DPY19L1: variants seen among roughly 807,000 people sequenced by gnomAD.
DPY19L1 encodes the protein protein C-mannosyl-transferase DPY19L1.
DPY19L1 carries 35 observed loss-of-function variants against 96.9 expected under a neutral mutation model. The ratio of observed to expected loss-of-function variants is 0.36; its 90% CI spans 0.28 to 0.48. DPY19L1 has a LOEUF of 0.48. DPY19L1 is among the 20% of genes least tolerant of loss of function. The probability of loss-of-function intolerance (pLI) is 0.99; values close to 1 mark genes in which losing one functional copy is unlikely to be tolerated. For synonymous variants in DPY19L1, 205 were observed against 252.6 expected (o/e 0.81, Z 1.79); for missense variants, 521 against 777.9 (o/e 0.67, Z 3.93).
chr7:34,942,952 A>G (rs1007877723), intron 16 of DPY19L1, among the ~76,000 whole-genome samples: 1 of 152,212 alleles, frequency 6.6e-6, no homozygotes, highest in Non-Finnish European at 1.5e-5. Context: ...GAATGAAAAA[A>G]ACCTTTGAGA....
intron 16 of DPY19L1, among the ~76,000 whole-genome samples, chr7:34,944,570 A>C (rs1278820696): frequency 6.6e-6 from 1 of 152,050 alleles, no homozygotes; most frequent in African/African-American, 2.4e-5. Flanking sequence ...AAATCTCTAA[A>C]TTTTAAAGAG....
chr7:34,949,239 C>T (rs536737259), intron 14 of DPY19L1, among the ~76,000 whole-genome samples: 23 of 152,210 alleles, frequency 1.5e-4, no homozygotes, highest in African/African-American at 5.3e-4. Context: ...TTTGTCTTCA[C>T]AATATCTGTT....
chr7:34,942,465 C>A, intron 17 of DPY19L1, 150 bp downstream of exon 17: 1 of 681,054 alleles, frequency 1.5e-6, no homozygotes, highest in Non-Finnish European at 2.6e-6. Flanking sequence ...AGTGAATCTG[C>A]ATATAGCATT....
Position 34,931,532 on chromosome 7 carries a change from T to C in DPY19L1, c.*41A>G, listed in dbSNP as rs1371619749. 1 of 1,491,174 alleles carries C rather than the reference T, an allele frequency of 6.7e-7. No individual in the cohort carries two copies. The highest frequency in any genetic ancestry group is 8.9e-7 in the Non-Finnish European group (1 of 1,121,352). The allele number at this position is 1,491,174 out of a possible 1,614,324, so 92.4% of individuals were successfully genotyped here. On this transcript the variant is annotated 3_prime_UTR_variant, in exon 22 of 22. Coordinates refer to ENST00000638088, the MANE Select transcript of DPY19L1 (RefSeq NM_001366673.1). ...ATGACTTAGCAAAACATTAAAACCA[T>C]TACAGATGTAGTTCTCCGTAGGCAG...
chr7:35,025,912 G>A (rs1049559135), intron 1 of DPY19L1, among the ~76,000 whole-genome samples: 1 of 152,192 alleles, frequency 6.6e-6, no homozygotes, highest in African/African-American at 2.4e-5. Context: ...GAGAAGCACT[G>A]ACATTGGTCA....
rs534492590 is a variant in DPY19L1, at chr7:34,932,151, C to T, written c.2091-422G>A. The stretch of plus-strand genomic sequence containing the variant: ...GACCAGGTATCTAGCACCATTCACA[C>T]AGAAAAACGTATGACATTGATTTAA... On this transcript the variant is annotated intron_variant, in intron 21 of 21. Coordinates refer to ENST00000638088, the MANE Select transcript of DPY19L1 (RefSeq NM_001366673.1). 2.7e-3 allele frequency among the ~76,000 whole-genome samples: 416 copies of T among 152,274 alleles called. 1 individual carries two copies. Among genetic ancestry groups the T allele is most frequent in the Non-Finnish European group, 4.5e-3 (304 of 68,006 alleles).
chr7:35,025,285 C>T (rs1040863983), intron 1 of DPY19L1, among the ~76,000 whole-genome samples: 6 of 152,144 alleles, frequency 3.9e-5, no homozygotes, highest in African/African-American at 1.4e-4. Flanking sequence ...AGATGCACAA[C>T]ACGTTTTCCT....
chr7:34,997,312 G>C (rs1024170879), intron 6 of DPY19L1, among the ~76,000 whole-genome samples: 3 of 150,304 alleles, frequency 2.0e-5, no homozygotes, highest in Non-Finnish European at 4.4e-5. Flanking sequence ...AAAAAAAAAG[G>C]CCAGGCACAG....
intron 6 of DPY19L1, among the ~76,000 whole-genome samples, chr7:35,009,631 C>T (rs772244282): frequency 2.2e-4 from 33 of 152,062 alleles, no homozygotes; most frequent in Non-Finnish European, 4.1e-4. Flanking sequence ...TTTATGTAAA[C>T]AATATATACT....
At chr7:35,033,511 T>C (rs1316718668) in intron 1 of DPY19L1, among the ~76,000 whole-genome samples, 2 of 152,216 alleles carry the variant, frequency 1.3e-5, no homozygotes, top group African/African-American at 2.4e-5. Flanking sequence ...CTATTTTACA[T>C]GTATTATCTC....
intron 1 of DPY19L1, 151 bp from the exon 2 acceptor site, chr7:35,018,747 T>C (rs1785920467): frequency 1.5e-6 from 1 of 658,450 alleles, no homozygotes; most frequent in African/African-American, 1.8e-5. Context: ...CGTTTAAAAT[T>C]GTGATTGACT....
chr7:35,000,708 T>C (rs1003280176), intron 6 of DPY19L1: 8 of 152,206 alleles, frequency 5.3e-5, no homozygotes, highest in Admixed American at 1.3e-4. Flanking sequence ...CCTTCGGAAA[T>C]GAATTATTAC....
At chr7:34,969,360 G>C (rs1406683647) in intron 9 of DPY19L1, 73 bp downstream of exon 9, 11 of 791,224 alleles carry the variant, frequency 1.4e-5, no homozygotes, top group Non-Finnish European at 1.8e-5. Flanking sequence ...TATCTCAGTT[G>C]TAATTTTATG....
At position 34,936,300 on chromosome 7, in the gene DPY19L1, G is replaced by A. The variant is rs571142515; in HGVS notation, c.2090+1694C>T. On this transcript the variant is annotated intron_variant, in intron 21 of 21. Coordinates refer to ENST00000638088, the MANE Select transcript of DPY19L1 (RefSeq NM_001366673.1). The stretch of plus-strand genomic sequence containing the variant: ...AGACTGTTAGAGCTATGCAAATCCA[G>A]GGAGCTCTCCCAACACTCTACAGCA... Among the ~76,000 whole-genome samples, 13 of 151,514 alleles carry A rather than the reference G, an allele frequency of 8.6e-5. No individual in the cohort carries two copies. In the East Asian group the frequency reaches 2.5e-3, roughly 29 times the overall value.
intron 1 of DPY19L1, among the ~76,000 whole-genome samples, chr7:35,023,833 CT>C (rs755619806): frequency 2.4e-3 from 263 of 111,810 alleles, no homozygotes; most frequent in African/African-American, 2.8e-3. Flanking sequence ...CTTTTCTTTT[CT>C]TTTTTTTTTT....
At chr7:34,956,507 G>T (rs1243043389) in intron 11 of DPY19L1, among the ~76,000 whole-genome samples, 1 of 149,812 alleles carries the variant, frequency 6.7e-6, no homozygotes, top group East Asian at 1.9e-4. Context: ...TGAGAAATGG[G>T]TATTTTTTTT....
At chr7:34,946,113 A>T (rs1488028619) in intron 15 of DPY19L1, among the ~76,000 whole-genome samples, 2 of 152,216 alleles carry the variant, frequency 1.3e-5, no homozygotes, top group Admixed American at 6.5e-5. Context: ...AGAAAACTGG[A>T]GAGCTGGCTC....
intron 4 of DPY19L1, among the ~76,000 whole-genome samples, chr7:35,013,001 C>A (rs376992204): frequency 1.3e-5 from 2 of 152,256 alleles, no homozygotes; most frequent in South Asian, 2.1e-4. Flanking sequence ...ACCAATTTGT[C>A]TATCCAATTA....
chr7:35,010,753 T>C (rs569443167), intron 5 of DPY19L1, among the ~76,000 whole-genome samples, 192 bp from the exon 6 acceptor site: 36 of 152,114 alleles, frequency 2.4e-4, no homozygotes, highest in African/African-American at 8.2e-4. Flanking sequence ...GCAATGATGG[T>C]TTTAAAACAG....
Sources: allele counts gnomAD v4.1 joint callset (sites outside exome capture counted in the v4.1 genomes callset), GRCh38; gene constraint gnomAD v4.1.1; transcripts MANE v1.5; gene names NCBI Gene and HGNC (gene_info 2026-07-23, HGNC 2026-07-21).